Variants in WWOX observed in about 807,000 individuals in gnomAD.
WWOX encodes the protein WW domain containing oxidoreductase.
Under a neutral mutation model 46.2 loss-of-function variants are expected in WWOX, and 69 were observed. The observed-to-expected ratio is 1.49, with a 90% confidence interval of 1.23 to 1.82. WWOX has a LOEUF of 1.82. Ranked by LOEUF, WWOX falls within the 40% of genes most tolerant of loss-of-function variation. The pLI is 0.00. For synonymous variants in WWOX, 359 were observed against 202.6 expected (o/e 1.77, Z -6.56); for missense variants, 919 against 542.6 (o/e 1.69, Z -6.89).
At chr16:79,140,268 C>G (rs1458879757) in intron 8 of WWOX, among the ~76,000 whole-genome samples, 1 of 152,204 alleles carries the variant, frequency 6.6e-6, no homozygotes, top group Non-Finnish European at 1.5e-5. Flanking sequence ...TCTGAGCAGT[C>G]TATTGGATGC....
intron 8 of WWOX, among the ~76,000 whole-genome samples, chr16:78,777,150 C>G (rs986509787): frequency 1.3e-5 from 2 of 152,016 alleles, no homozygotes; most frequent in Admixed American, 1.3e-4. Context: ...TTTCTAGGGT[C>G]CAACATGCCA....
intron 5 of WWOX, among the ~76,000 whole-genome samples, chr16:78,224,445 C>A (rs1239637621): frequency 2.0e-5 from 3 of 150,266 alleles, no homozygotes. Flanking sequence ...TGGAAGTGTT[C>A]AAGAAACTGC....
At chr16:78,400,490 C>T (rs549428720) in intron 6 of WWOX, among the ~76,000 whole-genome samples, 13 of 152,030 alleles carry the variant, frequency 8.6e-5, no homozygotes, top group Non-Finnish European at 1.8e-4. Context: ...CATTGTGGAT[C>T]GATGGATGGA....
chr16:78,181,055 A>G (rs4887942), intron 5 of WWOX, among the ~76,000 whole-genome samples: 22,409 of 152,068 alleles, frequency 0.15, 2,010 homozygotes, highest in East Asian at 0.22. Context: ...TTTTTGTTTC[A>G]TAAGTAATTG....
Position 79,012,047 on chromosome 16 carries a change from A to G in WWOX, c.1057-199561A>G, listed in dbSNP as rs375826022. 1.0e-3 allele frequency among the ~76,000 whole-genome samples: 156 copies of G among 152,192 alleles called. 6 individuals carry two copies. The South Asian group carries it at 0.019, about 18-fold the overall frequency. ...AGGGATCCCTCTGGCTACTGTGTTG[A>G]GAATAAAGTGTCAAAGCCAACAGTG... On this transcript the variant is annotated intron_variant, in intron 8 of 8. Coordinates refer to ENST00000566780, the MANE Select transcript of WWOX (RefSeq NM_016373.4).
intron 8 of WWOX, among the ~76,000 whole-genome samples, chr16:78,663,464 C>A (rs945710709): frequency 3.9e-5 from 6 of 152,142 alleles, no homozygotes; most frequent in Non-Finnish European, 7.3e-5. Flanking sequence ...ATGAATAATA[C>A]TGCGATATGA....
chr16:79,009,812 G>A (rs1448670713), intron 8 of WWOX, among the ~76,000 whole-genome samples: 1 of 152,134 alleles, frequency 6.6e-6, no homozygotes, highest in Non-Finnish European at 1.5e-5. Context: ...GAAGGAGGAG[G>A]GGGACACACA....
At chr16:78,667,278 C>G (rs968763689) in intron 8 of WWOX, among the ~76,000 whole-genome samples, 1 of 152,146 alleles carries the variant, frequency 6.6e-6, no homozygotes, top group African/African-American at 2.4e-5. Flanking sequence ...CTGTAAGTCT[C>G]TTTTAACACC....
chr16:78,726,174 TTCTC>T (rs548194273), intron 8 of WWOX, among the ~76,000 whole-genome samples: 6 of 146,720 alleles, frequency 4.1e-5, no homozygotes, highest in African/African-American at 7.5e-5. Flanking sequence ...TGTCTCTCTT[TTCTC>T]TCTCTCTCTC....
At chr16:78,797,775 G>A (rs1353634466) in intron 8 of WWOX, among the ~76,000 whole-genome samples, 2 of 152,168 alleles carry the variant, frequency 1.3e-5, no homozygotes, top group Non-Finnish European at 2.9e-5. Context: ...ATCTCTTGAG[G>A]CTAGGAGCTC....
chr16:79,032,697 CAT>C (rs2047788454), intron 8 of WWOX, among the ~76,000 whole-genome samples: 1 of 150,586 alleles, frequency 6.6e-6, no homozygotes, highest in Non-Finnish European at 1.5e-5. Context: ...CACACACACA[CAT>C]TTCAACTTTC....
chr16:78,584,459 A>G (rs1184309519), intron 8 of WWOX, among the ~76,000 whole-genome samples: 1 of 152,234 alleles, frequency 6.6e-6, no homozygotes, highest in African/African-American at 2.4e-5. Context: ...CTGAAACAGT[A>G]ATTCCCATGT....
intron 8 of WWOX, among the ~76,000 whole-genome samples, chr16:78,923,694 T>C (rs1476162476): frequency 2.0e-5 from 3 of 152,044 alleles, no homozygotes; most frequent in African/African-American, 7.2e-5. Flanking sequence ...ACTTTATTCT[T>C]CAAGAAAAAG....
At chr16:78,229,531 T>TAA (rs1422558614) in intron 5 of WWOX, among the ~76,000 whole-genome samples, 2 of 148,112 alleles carry the variant, frequency 1.4e-5, no homozygotes, top group African/African-American at 4.9e-5. Flanking sequence ...TATATATATA[T>TAA]AAAATAATGA....
At chr16:78,554,474 G>A (rs1339314976) in intron 8 of WWOX, among the ~76,000 whole-genome samples, 1 of 152,172 alleles carries the variant, frequency 6.6e-6, no homozygotes, top group Non-Finnish European at 1.5e-5. Flanking sequence ...TGATGGGTTG[G>A]TAGAAGTGAT....
Position 79,020,019 on chromosome 16 carries a change from C to T in WWOX, c.1057-191589C>T, listed in dbSNP as rs555171389. 7.9e-5 allele frequency among the ~76,000 whole-genome samples: 12 copies of T among 152,346 alleles called. No homozygotes were observed. In the South Asian group the frequency reaches 2.5e-3, roughly 32 times the overall value. On this transcript the variant is annotated intron_variant, in intron 8 of 8. Transcript: ENST00000566780. ...ACTGTGGGGAAGAGCTCATCATTAA[C>T]ATGCCTTATCTGACATGTGGCAATA... is the stretch of plus-strand genomic sequence containing the variant.
At chr16:78,961,923 C>G (rs778938304) in intron 8 of WWOX, among the ~76,000 whole-genome samples, 4 of 152,166 alleles carry the variant, frequency 2.6e-5, no homozygotes, top group Non-Finnish European at 5.9e-5. Flanking sequence ...AGATTTACAT[C>G]AAGCACAATT....
intron 4 of WWOX, among the ~76,000 whole-genome samples, chr16:78,151,328 G>A (rs2151720741): frequency 6.6e-6 from 1 of 152,230 alleles, no homozygotes; most frequent in African/African-American, 2.4e-5. Flanking sequence ...CTTGAAGTCA[G>A]GCTACCATGC....
intron 8 of WWOX, among the ~76,000 whole-genome samples, chr16:78,861,416 T>C (rs1483123231): frequency 1.3e-5 from 2 of 152,226 alleles, no homozygotes; most frequent in Non-Finnish European, 2.9e-5. Flanking sequence ...GAGAGTATAA[T>C]TAAATCCCAT....
Sources: gnomAD v4.1 joint callset for allele counts (sites outside exome capture counted in the v4.1 genomes callset) on GRCh38, gnomAD v4.1.1 for gene constraint, MANE v1.5 for transcripts, NCBI Gene and HGNC (gene_info 2026-07-23, HGNC 2026-07-21) for gene names.